Variants in KLHL29 observed in about 807,000 individuals in gnomAD.
KLHL29 encodes kelch-like protein 29.
KLHL29 carries 21 observed loss-of-function variants against 80.4 expected under a neutral mutation model. That is an observed-to-expected ratio of 0.26 (90% CI 0.19 to 0.38). The LOEUF is 0.38. KLHL29 is among the 10% of genes least tolerant of loss of function. KLHL29 has a pLI of 1.00. For synonymous variants in KLHL29, 511 were observed against 526.8 expected, an observed-to-expected ratio of 0.97 and a Z score of 0.41; for missense variants, 867 against 1,223.9, an observed-to-expected ratio of 0.71 and a Z score of 4.35.
chr2:23,603,897 C>T (rs138646252), intron 3 of KLHL29, among the ~76,000 whole-genome samples: 1 of 152,218 alleles, frequency 6.6e-6, no homozygotes, highest in Non-Finnish European at 1.5e-5. Context: ...CAACATTGTC[C>T]CCGTCTCCTC....
intron 1 of KLHL29, among the ~76,000 whole-genome samples, chr2:23,386,628 C>G (rs138887661): frequency 0.026 from 3,987 of 152,094 alleles, 84 homozygotes; most frequent in Non-Finnish European, 0.038. Context: ...CCTCGGGGGG[C>G]CGGGGGAGCC....
intron 1 of KLHL29, among the ~76,000 whole-genome samples, chr2:23,462,763 T>G (rs1664250485): frequency 6.6e-6 from 1 of 152,220 alleles, no homozygotes; most frequent in African/African-American, 2.4e-5. Flanking sequence ...TATTAAATTT[T>G]TTTGAATATA....
chr2:23,639,774 G>T (rs539887049), intron 4 of KLHL29, among the ~76,000 whole-genome samples: 1 of 151,916 alleles, frequency 6.6e-6, no homozygotes, highest in Non-Finnish European at 1.5e-5. Flanking sequence ...GCCCCAGAGC[G>T]CCCCCTCAGG....
chr2:23,543,779 G>C (rs1327667412), intron 2 of KLHL29, among the ~76,000 whole-genome samples: 2 of 152,236 alleles, frequency 1.3e-5, no homozygotes, highest in Non-Finnish European at 2.9e-5. Context: ...TTTCCTCGGA[G>C]GAATTGCGTC....
At position 23,469,900 on chromosome 2, in the gene KLHL29, C is replaced by T. The variant is rs548546246; in HGVS notation, c.-153-5660C>T. Among the ~76,000 whole-genome samples the T allele has an allele frequency of 8.0e-5, 12 of 150,110 alleles. No individual in the cohort carries two copies. The South Asian group carries it at 2.1e-3, about 26-fold the overall frequency. ...TTCCGGTTCTGCTTCCAGTGATGGG[C>T]GAATCTGTATTAACTGGTAGAGTGA... On this transcript the variant is annotated intron_variant, in intron 1 of 13. Coordinates refer to ENST00000486442, the MANE Select transcript of KLHL29 (RefSeq NM_052920.2).
chr2:23,668,374 TGAG>T (rs1377204019), intron 5 of KLHL29: 1 of 152,244 alleles, frequency 6.6e-6, no homozygotes, highest in African/African-American at 2.4e-5. Flanking sequence ...AGAGCTTTCC[TGAG>T]GAGTGAGAGC....
intron 1 of KLHL29, among the ~76,000 whole-genome samples, chr2:23,403,329 A>T (rs1042435947): frequency 3.9e-5 from 6 of 152,222 alleles, no homozygotes; most frequent in African/African-American, 1.4e-4. Flanking sequence ...AGAAATTTTT[A>T]AACTACCAGT....
rs1174986264 is a variant in KLHL29 at position 23,669,778 on chromosome 2, G to A, written c.941-14621G>A. Among the ~76,000 whole-genome samples the A allele has an allele frequency of 6.6e-6, 1 of 152,202 alleles. No homozygotes were observed. The highest frequency in any genetic ancestry group is 2.4e-5 in the African/African-American group (1 of 41,442). On this transcript the variant is annotated intron_variant, in intron 5 of 13. Transcript: ENST00000486442. This position sits in a 1 kb window ranked among gnomAD's most constrained non-coding sequence, Gnocchi z 4.3. ...GAGGCCCCCAGAACCCAGGGCTGCA[G>A]CCGAGTACACAGGCCTGGCCCCGCC...
intron 3 of KLHL29, among the ~76,000 whole-genome samples, chr2:23,635,697 C>T (rs1669590029): frequency 6.6e-6 from 1 of 152,228 alleles, no homozygotes; most frequent in Admixed American, 6.5e-5. Flanking sequence ...CTGCTCAGGC[C>T]TGATGATGGG....
At chr2:23,511,781 G>A (rs1409124351) in intron 2 of KLHL29, among the ~76,000 whole-genome samples, 6 of 152,098 alleles carry the variant, frequency 3.9e-5, no homozygotes, top group Non-Finnish European at 7.4e-5. Context: ...GTTCTGTGTC[G>A]GTTCGTGGCT....
chr2:23,661,231 A>G (rs186453635), intron 5 of KLHL29, among the ~76,000 whole-genome samples: 76 of 150,994 alleles, frequency 5.0e-4, no homozygotes, highest in Admixed American at 1.4e-3. Flanking sequence ...AGTCCCAGCT[A>G]TTTGGGAAGC....
intron 5 of KLHL29, among the ~76,000 whole-genome samples, chr2:23,658,929 C>T (rs964190943): frequency 1.3e-5 from 2 of 152,164 alleles, no homozygotes; most frequent in African/African-American, 4.8e-5. Context: ...GAGGCCCCAG[C>T]CTCAGCGTGG....
Position 23,562,111 on chromosome 2 carries a change from T to A in KLHL29, c.-45-41T>A. 6.7e-7 allele frequency: 1 copy of A among 1,492,130 alleles called. No homozygotes were observed. The highest frequency in any genetic ancestry group is 2.5e-5 in the East Asian group (1 of 40,562). 92.4% of individuals were successfully genotyped at this position (1,492,130 alleles called of 1,614,324 possible). ...GATGCTGTCAGTTGTCGCTGCCTGC[T>A]CCAGTCCTAAATCACCCTTCTCTCC... On this transcript the variant is annotated intron_variant, in intron 2 of 13. Coordinates refer to ENST00000486442, the MANE Select transcript of KLHL29 (RefSeq NM_052920.2). The surrounding 1 kb of genome is among the most constrained non-coding windows in gnomAD (Gnocchi z 4.5).
intron 1 of KLHL29, among the ~76,000 whole-genome samples, chr2:23,466,739 G>A (rs550669308): frequency 1.3e-5 from 2 of 152,250 alleles, no homozygotes; most frequent in African/African-American, 2.4e-5. Context: ...TAAAGAGTAT[G>A]TATTATTTAT....
intron 3 of KLHL29, among the ~76,000 whole-genome samples, chr2:23,608,454 T>TTA (rs1668781736): frequency 6.6e-6 from 1 of 151,814 alleles, no homozygotes; most frequent in African/African-American, 2.4e-5. Flanking sequence ...TCTTTTTTTT[T>TTA]TCCTCTGTCT....
chr2:23,492,191 C>T (rs980372671), intron 2 of KLHL29, among the ~76,000 whole-genome samples: 1 of 152,220 alleles, frequency 6.6e-6, no homozygotes. Flanking sequence ...GACCTCGTGC[C>T]ACTGTGCCTC....
intron 5 of KLHL29, among the ~76,000 whole-genome samples, chr2:23,654,704 G>C (rs956531030): frequency 1.9e-5 from 2 of 107,804 alleles, no homozygotes; most frequent in Admixed American, 2.0e-4. Context: ...GTTGGGGGGG[G>C]GGGGTGGATG....
At chr2:23,446,311 C>G (rs1370084210) in intron 1 of KLHL29, among the ~76,000 whole-genome samples, 1 of 151,470 alleles carries the variant, frequency 6.6e-6, no homozygotes, top group Non-Finnish European at 1.5e-5. Context: ...TTATCATACA[C>G]CAAATTTCCA....
chr2:23,692,375 G>A (rs940542691), intron 7 of KLHL29, among the ~76,000 whole-genome samples: 4 of 152,118 alleles, frequency 2.6e-5, no homozygotes, highest in Non-Finnish European at 4.4e-5. Flanking sequence ...AGGAGCTCCC[G>A]GGGGGGTCGC....
Sources: gnomAD v4.1 joint callset for allele counts (sites outside exome capture counted in the v4.1 genomes callset) on GRCh38, gnomAD v4.1.1 for gene constraint, Gnocchi (gnomAD v3.1) non-coding constraint, MANE v1.5 for transcripts, NCBI Gene and HGNC (gene_info 2026-07-23, HGNC 2026-07-21) for gene names.